NBAS: variants seen among roughly 807,000 people sequenced by gnomAD.
NBAS encodes the protein NBAS subunit of NRZ tethering complex.
A neutral mutation model predicts 302.5 loss-of-function variants in NBAS; 219 were observed. The ratio of observed to expected loss-of-function variants is 0.72; its 90% confidence interval spans 0.65 to 0.81. The LOEUF is 0.81. Ranked by LOEUF, NBAS falls within the 30% of genes least tolerant of loss-of-function variation. NBAS has a pLI of 0.00. For synonymous variants in NBAS, 1,118 were observed against 1,021.6 expected (o/e 1.09, Z -1.80); for missense variants, 2,932 against 2,841.6 (o/e 1.03, Z -0.72).
the NBAS span, among the ~76,000 whole-genome samples, chr2:14,854,065 A>C: frequency 0.052 from 7,826 of 149,922 alleles, 679 homozygotes; most frequent in African/African-American, 0.18. Context: ...TAAAACTTAA[A>C]GTATAATAAA....
chr2:15,324,832 G>A (rs1469790470), intron 38 of NBAS, among the ~76,000 whole-genome samples: 1 of 152,172 alleles, frequency 6.6e-6, no homozygotes, highest in African/African-American at 2.4e-5. Flanking sequence ...AGCTCCACAA[G>A]AGAACGTCAC....
At chr2:15,017,349 G>A in the NBAS span, among the ~76,000 whole-genome samples, 82 of 152,036 alleles carry the variant, frequency 5.4e-4, no homozygotes, top group African/African-American at 1.9e-3. Context: ...CTTCGTCACA[G>A]CAAAGAAAAC....
In NBAS at chr2:15,539,207, T is replaced by G; in HGVS notation, c.513+16A>C. 6.2e-7 allele frequency: 1 copy of G among 1,614,162 alleles called. No homozygotes were observed. Among genetic ancestry groups the G allele is most frequent in the Non-Finnish European group, 8.5e-7 (1 of 1,180,010 alleles). ...CATTGAAAAAACTATGTTTTCAATT[T>G]AAGCTATGTACATACCGGGGAAATG... On this transcript the variant is annotated intron_variant, in intron 7 of 51. Transcript: ENST00000281513.
At chr2:14,967,359 T>C in the NBAS span, among the ~76,000 whole-genome samples, 3 of 152,148 alleles carry the variant, frequency 2.0e-5, no homozygotes, top group Non-Finnish European at 4.4e-5. Context: ...AAGAGCAAAG[T>C]TGTAAGACTG....
the NBAS span, among the ~76,000 whole-genome samples, chr2:15,056,961 T>C: frequency 6.6e-6 from 1 of 151,888 alleles, no homozygotes; most frequent in Non-Finnish European, 1.5e-5. Context: ...CCAGAGTAGC[T>C]GGGGTTACAG....
At chr2:15,374,528 G>A in intron 31 of NBAS, 80 bp downstream of exon 31, 1 of 1,240,698 alleles carries the variant, frequency 8.1e-7, no homozygotes, top group Non-Finnish European at 1.2e-6. Context: ...CTACTCTTTA[G>A]TTTTAAAAAC....
At chr2:15,481,433 T>A (rs1174815034) in intron 12 of NBAS, among the ~76,000 whole-genome samples, 1 of 152,092 alleles carries the variant, frequency 6.6e-6, no homozygotes, top group African/African-American at 2.4e-5. Context: ...AGACCATGCA[T>A]CACCACATCT....
chr2:15,011,337 G>T, the NBAS span, among the ~76,000 whole-genome samples: 2 of 151,836 alleles, frequency 1.3e-5, no homozygotes, highest in African/African-American at 2.4e-5. Flanking sequence ...CAGTATAAAA[G>T]AACTTCTATG....
the NBAS span, among the ~76,000 whole-genome samples, chr2:14,969,426 G>A: frequency 1.3e-5 from 2 of 151,662 alleles, no homozygotes; most frequent in Admixed American, 6.6e-5. Context: ...GCCCAGCCTG[G>A]AGTGGAGTGG....
At chr2:14,862,845 C>T in the NBAS span, among the ~76,000 whole-genome samples, 1 of 152,144 alleles carries the variant, frequency 6.6e-6, no homozygotes, top group Non-Finnish European at 1.5e-5. Context: ...GGTCGGGCAG[C>T]CTCCCACAGG....
chr2:15,054,786 G>T, the NBAS span, among the ~76,000 whole-genome samples: 1 of 152,130 alleles, frequency 6.6e-6, no homozygotes, highest in East Asian at 1.9e-4. Context: ...TATGTTTCCA[G>T]GGCATCTTTT....
chr2:14,959,632 A>G, the NBAS span, among the ~76,000 whole-genome samples: 6 of 152,310 alleles, frequency 3.9e-5, no homozygotes, highest in South Asian at 1.2e-3. Flanking sequence ...ATTCTTATAC[A>G]TCGGTCACAT....
chr2:15,146,023 C>T, the NBAS span, among the ~76,000 whole-genome samples: 4 of 152,040 alleles, frequency 2.6e-5, no homozygotes, highest in Non-Finnish European at 5.9e-5. Context: ...TGATACTGTT[C>T]TAAGTGTTGA....
At chr2:14,850,156 C>T in the NBAS span, among the ~76,000 whole-genome samples, 3 of 134,546 alleles carry the variant, frequency 2.2e-5, no homozygotes, top group Admixed American at 6.9e-5. Context: ...GAGTCAAGAC[C>T]CATCAGTGTG....
the NBAS span, among the ~76,000 whole-genome samples, chr2:14,972,319 G>A: frequency 6.6e-6 from 1 of 151,988 alleles, no homozygotes; most frequent in African/African-American, 2.4e-5. Flanking sequence ...GTGAGGGGAG[G>A]GGACTTAGAG....
chr2:15,151,765 A>T, the NBAS span, among the ~76,000 whole-genome samples: 2 of 152,292 alleles, frequency 1.3e-5, no homozygotes, highest in East Asian at 3.9e-4. Context: ...CCTGTTAAAG[A>T]GGTTTCTTCA....
intron 9 of NBAS, among the ~76,000 whole-genome samples, chr2:15,532,513 A>G (rs1018234977): frequency 7.3e-5 from 11 of 150,010 alleles, no homozygotes; most frequent in Admixed American, 3.3e-4. Flanking sequence ...AAAAAAAACT[A>G]TAAAATTATG....
intron 48 of NBAS, among the ~76,000 whole-genome samples, chr2:15,218,510 A>G (rs1666757974): frequency 6.6e-6 from 1 of 152,088 alleles, no homozygotes; most frequent in African/African-American, 2.4e-5. Context: ...TGCAATCTCC[A>G]TCTCCCAGGT....
chr2:15,119,189 G>A, the NBAS span, among the ~76,000 whole-genome samples: 3 of 152,078 alleles, frequency 2.0e-5, no homozygotes, highest in African/African-American at 4.8e-5. Context: ...GGAAGGGAAG[G>A]GTCTCACATT....
Sources: allele counts gnomAD v4.1 joint callset (sites outside exome capture counted in the v4.1 genomes callset), GRCh38; gene constraint gnomAD v4.1.1; transcripts MANE v1.5; gene names NCBI Gene and HGNC (gene_info 2026-07-23, HGNC 2026-07-21).